CFAP100: variants seen among roughly 807,000 people sequenced by gnomAD.
CFAP100 encodes the protein cilia and flagella associated protein 100.
A neutral mutation model predicts 81.5 loss-of-function variants in CFAP100; 70 were observed. The observed-to-expected ratio is 0.86, with a 90% CI of 0.71 to 1.05. CFAP100 has a LOEUF of 1.05. CFAP100 is among the 50% of genes least tolerant of loss of function. The pLI is 0.00. For missense variants in CFAP100, 811 were observed against 776.5 expected, an observed-to-expected ratio of 1.04 and a Z score of -0.53; for synonymous variants, 341 against 314.8, an observed-to-expected ratio of 1.08 and a Z score of -0.88.
intron 13 of CFAP100, among the ~76,000 whole-genome samples, chr3:126,426,520 G>A (rs2107614336): frequency 6.6e-6 from 1 of 152,102 alleles, no homozygotes; most frequent in East Asian, 1.9e-4. Flanking sequence ...GGGAGGCTGA[G>A]GCAGGCAGAC....
At chr3:126,432,527 T>C (rs1183972632) in intron 13 of CFAP100, among the ~76,000 whole-genome samples, 2 of 150,884 alleles carry the variant, frequency 1.3e-5, no homozygotes, top group African/African-American at 4.9e-5. Flanking sequence ...AGAAATGAAG[T>C]GCTGACACAT....
chr3:126,433,050 C>T lies in CFAP100; in HGVS notation c.1287-19C>T, dbSNP rs1489417584. Reference sequence around the variant, plus strand: ...CTGTGCTGAGTGACTGATGCCCTGCCGGTTTTCCCCTCTTCCAGGGACAGG... The same window carrying T: ...CTGTGCTGAGTGACTGATGCCCTGCTGGTTTTCCCCTCTTCCAGGGACAGG... On this transcript the variant is annotated intron_variant, in intron 13 of 16. Transcript: ENST00000352312. 20 of 1,613,548 alleles carry T rather than the reference C, an allele frequency of 1.2e-5. No individual in the cohort carries two copies. The highest frequency in any genetic ancestry group is 2.2e-5 in the East Asian group (1 of 44,870).
At chr3:126,432,533 C>T (rs1933275084) in intron 13 of CFAP100, among the ~76,000 whole-genome samples, 1 of 150,804 alleles carries the variant, frequency 6.6e-6, no homozygotes, top group South Asian at 2.1e-4. Context: ...GAAGTGCTGA[C>T]ACATGCTGCA....
intron 13 of CFAP100, among the ~76,000 whole-genome samples, chr3:126,429,107 CAAAAAAAA>C (rs57773311): frequency 3.1e-5 from 3 of 95,752 alleles, no homozygotes; most frequent in Non-Finnish European, 4.1e-5. Context: ...CGTCTCCATC[CAAAAAAAA>C]AAAAAAAAAA....
chr3:126,417,063 T>C (rs955905056), intron 5 of CFAP100, among the ~76,000 whole-genome samples: 3 of 152,132 alleles, frequency 2.0e-5, no homozygotes, highest in Admixed American at 6.5e-5. Context: ...AGGTGGGCAG[T>C]GTACAGTGGG....
intron 13 of CFAP100, among the ~76,000 whole-genome samples, chr3:126,426,314 T>C (rs957302453): frequency 1.3e-5 from 2 of 151,852 alleles, no homozygotes; most frequent in Admixed American, 1.3e-4. Flanking sequence ...AATAAAAAAC[T>C]TAGCTAGGCA....
intron 13 of CFAP100, among the ~76,000 whole-genome samples, chr3:126,428,926 G>T (rs913279059): frequency 2.0e-5 from 3 of 151,962 alleles, no homozygotes; most frequent in African/African-American, 7.3e-5. Context: ...GGCCAACATA[G>T]TGAAACCCTG....
chr3:126,435,796 A>G (rs1451435204), intron 16 of CFAP100, 144 bp downstream of exon 16: 3 of 629,846 alleles, frequency 4.8e-6, no homozygotes, highest in Non-Finnish European at 8.1e-6. Flanking sequence ...CCTTCGGAGC[A>G]AGGCCTCTCC....
chr3:126,434,541 C>A, intron 15 of CFAP100, 160 bp downstream of exon 15: 3 of 697,152 alleles, frequency 4.3e-6, no homozygotes, highest in Non-Finnish European at 7.0e-6. Flanking sequence ...TCTAGAGGGG[C>A]ATCACAGTCA....
intron 5 of CFAP100, 78 bp from the exon 6 acceptor site, chr3:126,418,380 A>C: frequency 7.5e-7 from 1 of 1,329,342 alleles, no homozygotes; most frequent in East Asian, 2.3e-5. Context: ...AGCCGGTGGA[A>C]GGCTCCTCTG....
chr3:126,419,693 T>C lies in CFAP100; in HGVS notation c.788T>C (p.Leu263Pro). ...CATTACAAGGTCTATAAGGATTTCC[T>C]ATACAAGCTGTCGCCCAAGGAGTGG... is the stretch of plus-strand genomic sequence containing the variant. ...LKHYKVYKDF[L>P]YKLSPKEWLE... Residue 263 changes from leucine (L) to proline (P), a missense_variant, in exon 9 of 17, where the codon CTA (leucine) becomes CCA (proline). By Grantham distance (98) the Leu-to-Pro change is moderately conservative (BLOSUM62 -3). Transcript: ENST00000352312. 1 of 1,614,084 alleles carries C rather than the reference T, an allele frequency of 6.2e-7. No homozygotes were observed. The highest frequency in any genetic ancestry group is 8.5e-7 in the Non-Finnish European group (1 of 1,180,020).
chr3:126,416,635 A>G, intron 5 of CFAP100, 127 bp downstream of exon 5: 1 of 797,190 alleles, frequency 1.3e-6, no homozygotes, highest in Non-Finnish European at 1.9e-6. Flanking sequence ...AGTGCTTCGG[A>G]AAGGCCTGCC....
At chr3:126,428,054 T>C (rs9811800) in intron 13 of CFAP100, among the ~76,000 whole-genome samples, 87,115 of 152,020 alleles carry the variant, frequency 0.57, 25,844 homozygotes, top group African/African-American at 0.74. Context: ...AATCACCTCC[T>C]ACCAGGCCCC....
At chr3:126,398,914 C>T (rs924151772) in intron 2 of CFAP100, among the ~76,000 whole-genome samples, 3 of 152,308 alleles carry the variant, frequency 2.0e-5, no homozygotes, top group African/African-American at 4.8e-5. Context: ...GTGCAGCAAA[C>T]AGCTCTCAAC....
At chr3:126,399,231 T>C (rs2082934453) in intron 2 of CFAP100, among the ~76,000 whole-genome samples, 2 of 152,192 alleles carry the variant, frequency 1.3e-5, no homozygotes, top group Admixed American at 1.3e-4. Flanking sequence ...TTGCTTACTG[T>C]CTCACTCCCA....
chr3:126,409,582 T>C (rs977131587), intron 3 of CFAP100, among the ~76,000 whole-genome samples: 6 of 152,204 alleles, frequency 3.9e-5, no homozygotes, highest in Non-Finnish European at 8.8e-5. Context: ...GACTTCCAGT[T>C]GTTCTGTGTC....
chr3:126,417,896 G>A (rs2083268098), intron 5 of CFAP100, among the ~76,000 whole-genome samples: 1 of 152,248 alleles, frequency 6.6e-6, no homozygotes, highest in Non-Finnish European at 1.5e-5. Context: ...GGAAGGCCAG[G>A]GAAAGGGGCC....
At chr3:126,426,826 T>C (rs1576644410) in intron 13 of CFAP100, among the ~76,000 whole-genome samples, 1 of 152,186 alleles carries the variant, frequency 6.6e-6, no homozygotes. Context: ...GGTTGCAGGA[T>C]ACAAGATTAA....
intron 3 of CFAP100, among the ~76,000 whole-genome samples, chr3:126,413,339 C>T (rs571675370): frequency 1.1e-3 from 168 of 152,300 alleles, no homozygotes; most frequent in African/African-American, 3.8e-3. Context: ...CCAGAGTCAC[C>T]CTCCCTGTCT....
Sources: allele counts gnomAD v4.1 joint callset (sites outside exome capture counted in the v4.1 genomes callset), GRCh38; gene constraint gnomAD v4.1.1; transcripts MANE v1.5; gene names NCBI Gene and HGNC (gene_info 2026-07-23, HGNC 2026-07-21).